The following GULP1 variants were observed in gnomAD, a reference collection of about 807,000 sequenced individuals.
GULP1 encodes the protein GULP PTB domain containing engulfment adaptor 1.
GULP1 carries 19 observed loss-of-function variants against 40.9 expected under a neutral mutation model. That is an observed-to-expected ratio of 0.46 (90% confidence interval 0.32 to 0.68). The LOEUF is 0.68. Among genes scored for constraint, GULP1 ranks in the 30% least tolerant of loss-of-function variants. The pLI, the probability that GULP1 is intolerant of heterozygous loss-of-function variation, is 0.03. For missense variants in GULP1, 312 were observed against 362.2 expected (o/e 0.86, Z 1.12); for synonymous variants, 119 against 117.6 (o/e 1.01, Z -0.08).
chr2:188,407,690 A>G (rs971603654), intron 2 of GULP1, among the ~76,000 whole-genome samples: 2 of 152,158 alleles, frequency 1.3e-5, no homozygotes, highest in African/African-American at 2.4e-5. Flanking sequence ...TACCAGAGAA[A>G]ATAATCTCAA....
At chr2:188,509,869 G>GTGTA (rs955372890) in intron 4 of GULP1, among the ~76,000 whole-genome samples, 2 of 152,080 alleles carry the variant, frequency 1.3e-5, no homozygotes, top group African/African-American at 4.8e-5. Flanking sequence ...GAAGATGTGT[G>GTGTA]TGTAGCCTGT....
rs984237602 is a variant in GULP1 at position 188,311,389 on chromosome 2, G to A, written c.-172+19223G>A. ...TTTTTGTATTTTTAGTAGAGACGGG[G>A]TTTCACCATGTTGGTCAGGATGGTC... On this transcript the variant is annotated intron_variant, in intron 1 of 11. Coordinates refer to ENST00000409830, the MANE Select transcript of GULP1 (RefSeq NM_016315.4). Among the ~76,000 whole-genome samples the A allele has an allele frequency of 2.0e-5, 3 of 152,114 alleles. No homozygotes were observed. The South Asian group carries it at 6.2e-4, about 32-fold the overall frequency.
intron 1 of GULP1, among the ~76,000 whole-genome samples, chr2:188,337,742 A>C (rs530983574): frequency 1.3e-5 from 2 of 151,970 alleles, no homozygotes; most frequent in African/African-American, 2.4e-5. Context: ...TCTATTCCTG[A>C]CTGCACAGCC....
At chr2:188,411,801 A>G (rs1390811422) in intron 2 of GULP1, among the ~76,000 whole-genome samples, 1 of 152,234 alleles carries the variant, frequency 6.6e-6, no homozygotes, top group Non-Finnish European at 1.5e-5. Flanking sequence ...AAAGTGCACA[A>G]CAAGGTGCAC....
chr2:188,569,198 C>T (rs1698491276), intron 7 of GULP1, 41 bp from the exon 8 acceptor site: 1 of 975,308 alleles, frequency 1.0e-6, no homozygotes, highest in Non-Finnish European at 1.7e-6. Flanking sequence ...AACAGTTTGA[C>T]ATATTATTAA....
intron 1 of GULP1, among the ~76,000 whole-genome samples, chr2:188,332,048 G>A (rs983859732): frequency 7.9e-5 from 12 of 152,224 alleles, no homozygotes; most frequent in African/African-American, 2.9e-4. Context: ...TATTGATACT[G>A]AGTGTTTTCA....
At chr2:188,425,399 T>G (rs1022325250) in intron 2 of GULP1, among the ~76,000 whole-genome samples, 5 of 152,272 alleles carry the variant, frequency 3.3e-5, no homozygotes, top group Non-Finnish European at 7.4e-5. Context: ...TCCTCAACTT[T>G]GAACTAAGAC....
chr2:188,319,394 C>T (rs2039628097), intron 1 of GULP1, among the ~76,000 whole-genome samples: 1 of 152,028 alleles, frequency 6.6e-6, no homozygotes, highest in Non-Finnish European at 1.5e-5. Flanking sequence ...CATTTTCAGA[C>T]TTGTACATCT....
intron 2 of GULP1, among the ~76,000 whole-genome samples, chr2:188,409,426 C>T (rs1228434463): frequency 6.6e-6 from 1 of 152,102 alleles, no homozygotes; most frequent in Non-Finnish European, 1.5e-5. Context: ...AAAATCTGAA[C>T]AGACCAATAA....
At chr2:188,516,314 C>A (rs1232565465) in intron 4 of GULP1, among the ~76,000 whole-genome samples, 1 of 152,098 alleles carries the variant, frequency 6.6e-6, no homozygotes, top group African/African-American at 2.4e-5. Context: ...AAGTTACTTT[C>A]TTCCATTATT....
chr2:188,584,767 G>A (rs530290480), intron 10 of GULP1, among the ~76,000 whole-genome samples: 4 of 151,594 alleles, frequency 2.6e-5, no homozygotes, highest in African/African-American at 7.3e-5. Flanking sequence ...TAATAGAGCT[G>A]GTTAAAATAT....
At chr2:188,390,461 A>G (rs1160044515) in intron 2 of GULP1, among the ~76,000 whole-genome samples, 2 of 145,988 alleles carry the variant, frequency 1.4e-5, no homozygotes, top group Non-Finnish European at 3.0e-5. Flanking sequence ...AGATGGGATT[A>G]TTTGTTTTTT....
intron 1 of GULP1, among the ~76,000 whole-genome samples, chr2:188,312,708 T>C (rs7564706): frequency 0.6 from 91,243 of 152,010 alleles, 27,962 homozygotes; most frequent in East Asian, 0.9. Context: ...TCTAGATCCT[T>C]GAGGAATCGC....
At chr2:188,372,754 A>G (rs1314176518) in intron 1 of GULP1, among the ~76,000 whole-genome samples, 1 of 151,870 alleles carries the variant, frequency 6.6e-6, no homozygotes, top group Non-Finnish European at 1.5e-5. Context: ...TGAACAAAGA[A>G]GATACTTGCT....
chr2:188,584,239 C>A, intron 9 of GULP1, 26 bp from the exon 10 acceptor site: 2 of 1,525,138 alleles, frequency 1.3e-6, no homozygotes, highest in Non-Finnish European at 1.8e-6. Flanking sequence ...TGAAATATTA[C>A]CCTAATTCAT....
intron 1 of GULP1, among the ~76,000 whole-genome samples, chr2:188,341,349 G>A (rs1487040659): frequency 1.3e-5 from 2 of 152,072 alleles, no homozygotes; most frequent in Non-Finnish European, 2.9e-5. Context: ...CACTGTCACA[G>A]CACAGTGCCA....
chr2:188,573,982 G>A (rs906344484), intron 9 of GULP1, among the ~76,000 whole-genome samples: 1 of 152,112 alleles, frequency 6.6e-6, no homozygotes, highest in African/African-American at 2.4e-5. Context: ...ATCTCTAATT[G>A]AGGTGTAGTT....
intron 2 of GULP1, among the ~76,000 whole-genome samples, chr2:188,430,383 G>C (rs951207624): frequency 1.2e-4 from 18 of 152,152 alleles, no homozygotes; most frequent in African/African-American, 4.3e-4. Flanking sequence ...CCTGCAGTGT[G>C]ATAGTTTTTG....
At position 188,436,758 on chromosome 2, in the gene GULP1, A is replaced by G. The variant is rs544030811; in HGVS notation, c.-44-40901A>G. ...AATTGAGTATAATATGTGTTCTGTA[A>G]GAATATATTAATTTGTACATATTTT... On this transcript the variant is annotated intron_variant, in intron 2 of 11. Coordinates refer to ENST00000409830, the MANE Select transcript of GULP1 (RefSeq NM_016315.4). Among the ~76,000 whole-genome samples the G allele has an allele frequency of 1.2e-4, 18 of 152,188 alleles. No individual in the cohort carries two copies. The East Asian group carries it at 3.3e-3, about 28-fold the overall frequency.
Sources: gnomAD v4.1 joint callset for allele counts (sites outside exome capture counted in the v4.1 genomes callset) on GRCh38, gnomAD v4.1.1 for gene constraint, MANE v1.5 for transcripts, NCBI Gene and HGNC (gene_info 2026-07-23, HGNC 2026-07-21) for gene names.